Variants in ZNF385D observed in about 807,000 individuals in gnomAD.
ZNF385D encodes zinc finger protein 659.
A neutral mutation model predicts 35.8 loss-of-function variants in ZNF385D; 15 were observed. The observed-to-expected ratio is 0.42, with a 90% CI of 0.28 to 0.64. ZNF385D has a LOEUF of 0.64. Among genes scored for constraint, ZNF385D ranks in the 30% least tolerant of loss-of-function variants. The pLI is 0.23. For missense variants in ZNF385D, 474 were observed against 494.6 expected (o/e 0.96, Z 0.39); for synonymous variants, 212 against 186.8 (o/e 1.13, Z -1.10).
At chr3:22,207,607 A>G (rs1402158505) in intron 2 of ZNF385D, among the ~76,000 whole-genome samples, 1 of 152,030 alleles carries the variant, frequency 6.6e-6, no homozygotes, top group Non-Finnish European at 1.5e-5. Flanking sequence ...CATCACGTTA[A>G]CAAGCTTCTG....
At chr3:22,085,885 C>T (rs540380044) in intron 3 of ZNF385D, among the ~76,000 whole-genome samples, 48 of 152,268 alleles carry the variant, frequency 3.2e-4, no homozygotes, top group African/African-American at 1.0e-3. Flanking sequence ...CCCTGAGTTG[C>T]AAGGATGGTT....
chr3:22,321,395 C>A, intron 2 of ZNF385D, among the ~76,000 whole-genome samples: 1 of 151,866 alleles, frequency 6.6e-6, no homozygotes, highest in East Asian at 1.9e-4. Context: ...GATGGAGTTT[C>A]ACTCTTGTTG....
At chr3:21,840,821 A>G (rs1695621378) in intron 3 of ZNF385D, among the ~76,000 whole-genome samples, 1 of 151,986 alleles carries the variant, frequency 6.6e-6, no homozygotes, top group African/African-American at 2.4e-5. Context: ...CACTACATAT[A>G]CTTATTATAT....
At chr3:21,694,205 G>A (rs1320381032) in intron 1 of ZNF385D, among the ~76,000 whole-genome samples, 1 of 151,600 alleles carries the variant, frequency 6.6e-6, no homozygotes, top group African/African-American at 2.4e-5. Context: ...CACCACGCCC[G>A]GCTAATTTTT....
At chr3:21,615,303 T>C (rs1451491560) in intron 2 of ZNF385D, among the ~76,000 whole-genome samples, 1 of 152,144 alleles carries the variant, frequency 6.6e-6, no homozygotes, top group Non-Finnish European at 1.5e-5. Flanking sequence ...TCTGCCATGA[T>C]TGGAAGCTTC....
intron 2 of ZNF385D, among the ~76,000 whole-genome samples, chr3:22,293,175 C>A (rs1385830571): frequency 6.6e-6 from 1 of 152,014 alleles, no homozygotes; most frequent in Non-Finnish European, 1.5e-5. Flanking sequence ...AAACCTAATC[C>A]TAGTTATTAT....
chr3:21,800,654 TTATTC>T (rs1321798801), intron 3 of ZNF385D, among the ~76,000 whole-genome samples: 1 of 152,182 alleles, frequency 6.6e-6, no homozygotes, highest in Non-Finnish European at 1.5e-5. Context: ...CCAAGTGTTT[TTATTC>T]TATTGTAAGT....
chr3:21,927,222 T>C (rs1242761951), intron 3 of ZNF385D, among the ~76,000 whole-genome samples: 1 of 152,122 alleles, frequency 6.6e-6, no homozygotes, highest in African/African-American at 2.4e-5. Context: ...GAAGCAAGTG[T>C]TGGTACCATG....
At chr3:22,184,142 G>C (rs1338567888) in intron 2 of ZNF385D, among the ~76,000 whole-genome samples, 2 of 152,126 alleles carry the variant, frequency 1.3e-5, no homozygotes, top group Non-Finnish European at 2.9e-5. Flanking sequence ...ACATGTTCAA[G>C]TTGTGTGGCC....
intron 2 of ZNF385D, among the ~76,000 whole-genome samples, chr3:22,237,248 G>C (rs1352966634): frequency 6.6e-6 from 1 of 151,872 alleles, no homozygotes; most frequent in Non-Finnish European, 1.5e-5. Flanking sequence ...TTTTATAATA[G>C]TACTGACTTC....
intron 2 of ZNF385D, among the ~76,000 whole-genome samples, chr3:22,268,962 CAAT>C (rs1701035899): frequency 6.6e-6 from 1 of 151,762 alleles, no homozygotes; most frequent in South Asian, 2.1e-4. Context: ...GCCTGGTAAA[CAAT>C]AAAAACTAAA....
intron 2 of ZNF385D, among the ~76,000 whole-genome samples, chr3:22,240,117 A>G (rs929245149): frequency 6.8e-6 from 1 of 146,650 alleles, no homozygotes; most frequent in African/African-American, 2.6e-5. Flanking sequence ...CAGGAGGTCA[A>G]GGCTGCAGTG....
chr3:22,000,305 A>T (rs76410829), intron 3 of ZNF385D, among the ~76,000 whole-genome samples: 2 of 19,970 alleles, frequency 1.0e-4, no homozygotes, highest in Non-Finnish European at 2.0e-4. Flanking sequence ...ACTCCATCTC[A>T]AAAAAAAAAA....
intron 3 of ZNF385D, among the ~76,000 whole-genome samples, chr3:22,073,627 T>C (rs1300276074): frequency 2.0e-5 from 3 of 151,970 alleles, no homozygotes; most frequent in South Asian, 2.1e-4. Context: ...TTTAGGCTTT[T>C]TATTTTTATT....
At chr3:21,856,478 T>A (rs555646653) in intron 3 of ZNF385D, among the ~76,000 whole-genome samples, 2 of 152,196 alleles carry the variant, frequency 1.3e-5, no homozygotes, top group East Asian at 3.9e-4. Flanking sequence ...AATTAACATG[T>A]AAAATATGCA....
At chr3:22,012,398 A>C (rs1272871953) in intron 3 of ZNF385D, among the ~76,000 whole-genome samples, 1 of 152,160 alleles carries the variant, frequency 6.6e-6, no homozygotes, top group East Asian at 1.9e-4. Context: ...GTGCTAAAAA[A>C]TAAATTACAT....
intron 3 of ZNF385D, among the ~76,000 whole-genome samples, chr3:21,943,491 AT>A (rs1359008959): frequency 6.6e-6 from 1 of 151,918 alleles, no homozygotes; most frequent in Non-Finnish European, 1.5e-5. Context: ...ACTAATTATA[AT>A]ATATTCAGTA....
chr3:21,433,601 A>G (rs1701405800), intron 5 of ZNF385D, among the ~76,000 whole-genome samples: 1 of 152,114 alleles, frequency 6.6e-6, no homozygotes, highest in Admixed American at 6.6e-5. Context: ...GGAGTTCTAA[A>G]GGTGGGGCAT....
chr3:21,901,795 G>T (rs1334501884), intron 3 of ZNF385D, among the ~76,000 whole-genome samples: 2 of 152,168 alleles, frequency 1.3e-5, no homozygotes, highest in Non-Finnish European at 2.9e-5. Flanking sequence ...GTTGGTACAG[G>T]AAGACCCAGA....
Sources: gnomAD v4.1 joint callset for allele counts (sites outside exome capture counted in the v4.1 genomes callset) on GRCh38, gnomAD v4.1.1 for gene constraint, MANE v1.5 for transcripts, NCBI Gene and HGNC (gene_info 2026-07-23, HGNC 2026-07-21) for gene names.